The following PLXDC2 variants were observed in gnomAD, a reference collection of about 807,000 sequenced individuals.
PLXDC2 encodes plexin domain-containing protein 2.
In PLXDC2, 40 loss-of-function variants were observed where a neutral mutation model predicts 68.9. The ratio of observed to expected loss-of-function variants is 0.58; its 90% confidence interval spans 0.45 to 0.76. The LOEUF (loss-of-function observed/expected upper bound fraction) is 0.76. Ranked by LOEUF, PLXDC2 falls within the 30% of genes least tolerant of loss-of-function variation. The probability of loss-of-function intolerance (pLI) is 0.00; values close to 1 mark genes in which losing one functional copy is unlikely to be tolerated. For synonymous variants in PLXDC2, 243 were observed against 234.2 expected (o/e 1.04, Z -0.34); for missense variants, 644 against 661.9 (o/e 0.97, Z 0.30).
chr10:20,152,509 TG>T (rs2131802674), intron 6 of PLXDC2, among the ~76,000 whole-genome samples: 1 of 152,270 alleles, frequency 6.6e-6, no homozygotes, highest in South Asian at 2.1e-4. Flanking sequence ...AGATAGAGTT[TG>T]CTTAGAAATC....
Position 20,211,749 on chromosome 10 carries a change from A to G in PLXDC2, c.1122+20A>G. ...GAAGAGGTACACATGCTTTATTGTG[A>G]CAGAATCCTGGGACCAAGCTGTCAT... On this transcript the variant is annotated intron_variant, in intron 10 of 13. Coordinates refer to ENST00000377252, the MANE Select transcript of PLXDC2 (RefSeq NM_032812.9). 3 of 1,610,538 alleles carry G rather than the reference A, an allele frequency of 1.9e-6. No homozygotes were observed. In the South Asian group the frequency reaches 3.3e-5, roughly 18 times the overall value.
chr10:19,907,666 A>T (rs1833189816), intron 1 of PLXDC2, among the ~76,000 whole-genome samples: 1 of 152,252 alleles, frequency 6.6e-6, no homozygotes, highest in Non-Finnish European at 1.5e-5. Context: ...TTTAGTAGAA[A>T]ATGCTTCAAC....
In PLXDC2 at chr10:20,122,040, A is replaced by G. The variant is rs1833705152; in HGVS notation, c.542-21255A>G. Among the ~76,000 whole-genome samples, 8 of 152,014 alleles carry G rather than the reference A, an allele frequency of 5.3e-5. No individual in the cohort carries two copies. The South Asian group carries it at 1.7e-3, about 32-fold the overall frequency. On this transcript the variant is annotated intron_variant, in intron 4 of 13. Coordinates refer to ENST00000377252, the MANE Select transcript of PLXDC2 (RefSeq NM_032812.9). The stretch of plus-strand genomic sequence containing the variant: ...GGGGGAATACAAGAGGAGGACGCAA[A>G]GGAGGCTTTGGATTGGGAAGAAGGG...
At chr10:20,065,970 A>G (rs1448817408) in intron 3 of PLXDC2, among the ~76,000 whole-genome samples, 1 of 152,204 alleles carries the variant, frequency 6.6e-6, no homozygotes, top group Non-Finnish European at 1.5e-5. Flanking sequence ...ATTTAAAGAG[A>G]AGTAGAGCCA....
chr10:20,246,218 C>A (rs1564365736), intron 13 of PLXDC2, among the ~76,000 whole-genome samples: 1 of 152,200 alleles, frequency 6.6e-6, no homozygotes, highest in Non-Finnish European at 1.5e-5. Flanking sequence ...GGAGCCATGG[C>A]TAAGCCCTGG....
chr10:20,183,546 A>C lies in PLXDC2; in HGVS notation c.1061+6137A>C, dbSNP rs150087487. 5.6e-3 allele frequency among the ~76,000 whole-genome samples: 848 copies of C among 152,032 alleles called. 12 individuals are homozygous for C. The highest frequency in any genetic ancestry group is 0.02 in the African/African-American group (822 of 41,532). On this transcript the variant is annotated intron_variant, in intron 9 of 13. Transcript: ENST00000377252. ...TATTATGGACTTTTTGTATGATTTGAATTTTTGCCACCTGAATTGGGAGAC... is the reference window on the plus strand; with the variant it reads ...TATTATGGACTTTTTGTATGATTTGCATTTTTGCCACCTGAATTGGGAGAC...
chr10:19,939,669 T>C (rs928293036), intron 1 of PLXDC2, among the ~76,000 whole-genome samples: 8 of 152,138 alleles, frequency 5.3e-5, no homozygotes, highest in African/African-American at 1.7e-4. Context: ...AAAAATGTCA[T>C]GTGATGATGT....
At chr10:20,052,664 TATC>T (rs1461924015) in intron 3 of PLXDC2, among the ~76,000 whole-genome samples, 4 of 146,246 alleles carry the variant, frequency 2.7e-5, no homozygotes, top group African/African-American at 7.7e-5. Flanking sequence ...TCTCGAATCT[TATC>T]AGCAGTTCAT....
intron 2 of PLXDC2, among the ~76,000 whole-genome samples, chr10:20,041,585 T>A (rs1835682856): frequency 6.6e-6 from 1 of 152,234 alleles, no homozygotes; most frequent in Non-Finnish European, 1.5e-5. Flanking sequence ...AATATATCTT[T>A]AATTGTTTTC....
chr10:20,272,987 C>A (rs1418049910), intron 13 of PLXDC2, among the ~76,000 whole-genome samples: 1 of 152,206 alleles, frequency 6.6e-6, no homozygotes, highest in Non-Finnish European at 1.5e-5. Context: ...GGTTTGGAAT[C>A]CATTGCATTT....
At chr10:19,984,635 C>G (rs1251492801) in intron 1 of PLXDC2, among the ~76,000 whole-genome samples, 1 of 152,186 alleles carries the variant, frequency 6.6e-6, no homozygotes, top group Non-Finnish European at 1.5e-5. Context: ...CTGCGCATGA[C>G]TGATGGTGGG....
chr10:20,029,907 G>A (rs916933130), intron 2 of PLXDC2, among the ~76,000 whole-genome samples: 1 of 152,128 alleles, frequency 6.6e-6, no homozygotes, highest in African/African-American at 2.4e-5. Flanking sequence ...CTGACATTAA[G>A]TGAGTTGGCA....
chr10:20,093,640 A>G (rs1457850356), intron 4 of PLXDC2, among the ~76,000 whole-genome samples: 1 of 152,202 alleles, frequency 6.6e-6, no homozygotes, highest in Non-Finnish European at 1.5e-5. Flanking sequence ...ACTGCATGAG[A>G]GAAAATAGCT....
At chr10:19,870,904 C>T (rs1022680428) in intron 1 of PLXDC2, among the ~76,000 whole-genome samples, 2 of 152,214 alleles carry the variant, frequency 1.3e-5, no homozygotes, top group African/African-American at 4.8e-5. Context: ...GTAATACATA[C>T]AGCAAAGCAG....
intron 6 of PLXDC2, among the ~76,000 whole-genome samples, chr10:20,153,548 G>A (rs1834177643): frequency 6.6e-6 from 1 of 151,994 alleles, no homozygotes; most frequent in Non-Finnish European, 1.5e-5. Context: ...TTAATCTTGT[G>A]TGCCATAACC....
In PLXDC2 at chr10:20,282,306, G is replaced by A. The variant is rs1360780988; in HGVS notation, c.*2487G>A. ...ACTCTCATTCTATTTTATATTTCTGGTTTGTTCTTGTTCCCATGTGAGAAA... is the reference window on the plus strand; with the variant it reads ...ACTCTCATTCTATTTTATATTTCTGATTTGTTCTTGTTCCCATGTGAGAAA... On this transcript the variant is annotated 3_prime_UTR_variant, in exon 14 of 14. Coordinates refer to ENST00000377252, the MANE Select transcript of PLXDC2 (RefSeq NM_032812.9). 6.6e-6 allele frequency: 1 copy of A among 151,980 alleles called. No homozygotes were observed. Among genetic ancestry groups the A allele is most frequent in the Non-Finnish European group, 1.5e-5 (1 of 67,986 alleles). 9.4% of individuals were successfully genotyped at this position (151,980 alleles called of 1,614,324 possible).
intron 1 of PLXDC2, among the ~76,000 whole-genome samples, chr10:19,921,670 T>C (rs1833463741): frequency 6.6e-6 from 1 of 152,184 alleles, no homozygotes; most frequent in Non-Finnish European, 1.5e-5. Flanking sequence ...CAGCTTTAGC[T>C]TTCATGGAGC....
intron 4 of PLXDC2, among the ~76,000 whole-genome samples, chr10:20,115,712 T>A (rs1833612635): frequency 1.3e-5 from 2 of 152,186 alleles, no homozygotes; most frequent in African/African-American, 4.8e-5. Flanking sequence ...TGTGAAAAGG[T>A]TAAAATACTA....
intron 4 of PLXDC2, among the ~76,000 whole-genome samples, chr10:20,115,130 T>C (rs1466507571): frequency 1.3e-5 from 2 of 152,178 alleles, no homozygotes; most frequent in Non-Finnish European, 2.9e-5. Flanking sequence ...GTAGTCGTGT[T>C]GCCATAAACC....
Sources: allele counts gnomAD v4.1 joint callset (sites outside exome capture counted in the v4.1 genomes callset), GRCh38; gene constraint gnomAD v4.1.1; transcripts MANE v1.5; gene names NCBI Gene and HGNC (gene_info 2026-07-23, HGNC 2026-07-21).